The following UNC5D variants were observed in gnomAD, a reference collection of about 807,000 sequenced individuals.
UNC5D encodes unc-5 netrin receptor D, also known as netrin receptor UNC5D.
UNC5D carries 39 observed loss-of-function variants against 105.4 expected under a neutral mutation model. That is an observed-to-expected ratio of 0.37 (90% CI 0.29 to 0.48). UNC5D has a LOEUF of 0.48. UNC5D is among the 20% of genes least tolerant of loss of function. The probability of loss-of-function intolerance (pLI) is 0.98; values close to 1 mark genes in which losing one functional copy is unlikely to be tolerated. For missense variants in UNC5D, 991 were observed against 1,202.4 expected (o/e 0.82, Z 2.60); for synonymous variants, 452 against 450.4 (o/e 1.00, Z -0.04).
intron 3 of UNC5D, among the ~76,000 whole-genome samples, chr8:35,592,955 A>G (rs1015337673): frequency 2.7e-5 from 4 of 148,710 alleles, no homozygotes; most frequent in Non-Finnish European, 4.4e-5. Context: ...CTTCTACCCA[A>G]TCTTGCCTAT....
Position 35,759,500 on chromosome 8 carries a change from G to A in UNC5D, c.2313+31G>A, listed in dbSNP as rs77331714. 5,157 of 1,596,272 alleles carry A rather than the reference G, an allele frequency of 3.2e-3. 223 individuals carry two copies. The East Asian group carries it at 0.088, about 27-fold the overall frequency. ...GGCCAAATGGGTTTCTAACAGAAAC[G>A]GCTTTGCTTTAACCGGCAAGCATGT... On this transcript the variant is annotated intron_variant, in intron 14 of 16. Coordinates refer to ENST00000404895, the MANE Select transcript of UNC5D (RefSeq NM_080872.4).
intron 1 of UNC5D, among the ~76,000 whole-genome samples, chr8:35,304,699 C>A (rs1563296565): frequency 6.6e-6 from 1 of 152,008 alleles, no homozygotes; most frequent in Non-Finnish European, 1.5e-5. Context: ...TTTTCTCTTT[C>A]GTTTTCTATA....
At chr8:35,504,051 G>A (rs1812149453) in intron 1 of UNC5D, among the ~76,000 whole-genome samples, 1 of 152,134 alleles carries the variant, frequency 6.6e-6, no homozygotes, top group Non-Finnish European at 1.5e-5. Flanking sequence ...TGGAAGGGTG[G>A]GTGAGAGGTA....
At chr8:35,771,305 G>A (rs1178265014) in intron 15 of UNC5D, among the ~76,000 whole-genome samples, 1 of 152,134 alleles carries the variant, frequency 6.6e-6, no homozygotes, top group Non-Finnish European at 1.5e-5. Flanking sequence ...GCTTTCAGAG[G>A]CCAATTCTTT....
At chr8:35,356,577 A>C (rs1234660988) in intron 1 of UNC5D, among the ~76,000 whole-genome samples, 2 of 152,004 alleles carry the variant, frequency 1.3e-5, no homozygotes, top group Non-Finnish European at 2.9e-5. Flanking sequence ...AATTTCATGG[A>C]TGGAAGATGT....
intron 1 of UNC5D, among the ~76,000 whole-genome samples, chr8:35,241,636 C>CT (rs557295722): frequency 2.5e-3 from 367 of 145,446 alleles, no homozygotes; most frequent in African/African-American, 8.1e-3. Context: ...ACCAGTCTCA[C>CT]TTTTTTTTTT....
chr8:35,595,645 C>T lies in UNC5D; in HGVS notation c.558C>T (p.Val186=). 2 of 1,613,946 alleles carry T rather than the reference C, an allele frequency of 1.2e-6. No homozygotes were observed. Among genetic ancestry groups the T allele is most frequent in the South Asian group, 2.2e-5 (2 of 91,052 alleles). The part of the protein sequence containing the change: ...IVLHCRPPEG[V]PAAEVEWLKN... Reference sequence around the variant, plus strand: ...TGCACTGCCGCCCACCAGAGGGAGTCCCTGCTGCCGAGGTAAGACAGGATC... The same window carrying T: ...TGCACTGCCGCCCACCAGAGGGAGTTCCTGCTGCCGAGGTAAGACAGGATC... The change falls in exon 4 of 17, where the codon GTC becomes GTT. Residue 186 remains valine, a synonymous_variant. Transcript: ENST00000404895.
At chr8:35,495,015 G>A (rs1384005036) in intron 1 of UNC5D, among the ~76,000 whole-genome samples, 3 of 152,056 alleles carry the variant, frequency 2.0e-5, no homozygotes, top group Non-Finnish European at 4.4e-5. Context: ...GTACTCAGGG[G>A]ATAGAAAAAT....
chr8:35,271,788 C>A (rs1805422611), intron 1 of UNC5D, among the ~76,000 whole-genome samples: 1 of 144,316 alleles, frequency 6.9e-6, no homozygotes, highest in African/African-American at 2.5e-5. Flanking sequence ...GGCACTCTAT[C>A]TGTATAAGTG....
At chr8:35,323,982 C>T (rs565379076) in intron 1 of UNC5D, among the ~76,000 whole-genome samples, 1 of 152,124 alleles carries the variant, frequency 6.6e-6, no homozygotes, top group South Asian at 2.1e-4. Flanking sequence ...GTAATCCCAG[C>T]ACTTTGGGAA....
chr8:35,759,334 T>C lies in UNC5D; in HGVS notation c.2178T>C (p.Asp726=), dbSNP rs1801416331. The C allele has an allele frequency of 6.2e-7, 1 of 1,613,160 alleles. No homozygotes were observed. Among genetic ancestry groups the C allele is most frequent in the African/African-American group, 1.3e-5 (1 of 74,896 alleles). ...TTCTCCTATAGGAAGTGGTTTCAGA[T>C]GAAAGGCATCAAGGTGGACAGCTCC... ...TPCAFQEVVS[D]ERHQGGQLLE... Residue 726 remains aspartate, a synonymous_variant, in exon 14 of 17, where the codon GAT becomes GAC. Coordinates refer to ENST00000404895, the MANE Select transcript of UNC5D (RefSeq NM_080872.4).
At chr8:35,397,489 T>G (rs1804181635) in intron 1 of UNC5D, among the ~76,000 whole-genome samples, 1 of 152,182 alleles carries the variant, frequency 6.6e-6, no homozygotes, top group Admixed American at 6.5e-5. Flanking sequence ...GTGTACCAAT[T>G]TACAACCTTC....
At chr8:35,517,447 G>A (rs906624268) in intron 1 of UNC5D, among the ~76,000 whole-genome samples, 3 of 152,168 alleles carry the variant, frequency 2.0e-5, no homozygotes, top group Non-Finnish European at 4.4e-5. Flanking sequence ...AAGTGAGACT[G>A]GGGATGGACC....
intron 13 of UNC5D, among the ~76,000 whole-genome samples, chr8:35,753,321 T>C (rs184764688): frequency 5.1e-4 from 78 of 152,232 alleles, no homozygotes; most frequent in Non-Finnish European, 9.9e-4. Flanking sequence ...CAGGCTGGAG[T>C]GCAGTGGCGT....
chr8:35,543,876 A>G (rs1286738618), intron 1 of UNC5D, among the ~76,000 whole-genome samples: 1 of 152,212 alleles, frequency 6.6e-6, no homozygotes, highest in African/African-American at 2.4e-5. Context: ...ACTCACAGAT[A>G]ATGTGTGTTT....
At chr8:35,464,684 C>A (rs747947169) in intron 1 of UNC5D, among the ~76,000 whole-genome samples, 1 of 152,046 alleles carries the variant, frequency 6.6e-6, no homozygotes, top group Non-Finnish European at 1.5e-5. Flanking sequence ...TCAATTCTAA[C>A]CTGCTTATTT....
intron 4 of UNC5D, among the ~76,000 whole-genome samples, chr8:35,645,041 T>G (rs1449470451): frequency 6.6e-6 from 1 of 152,170 alleles, no homozygotes. Context: ...ATAGCGACTT[T>G]TGGGCAGGGC....
intron 1 of UNC5D, among the ~76,000 whole-genome samples, chr8:35,402,801 G>A (rs561695022): frequency 6.6e-6 from 1 of 152,050 alleles, no homozygotes; most frequent in South Asian, 2.1e-4. Context: ...AAAGAATAGT[G>A]AGAGGTTGAG....
At chr8:35,489,942 C>A (rs1031947633) in intron 1 of UNC5D, among the ~76,000 whole-genome samples, 1 of 151,908 alleles carries the variant, frequency 6.6e-6, no homozygotes, top group Non-Finnish European at 1.5e-5. Flanking sequence ...ATTTTTTGGT[C>A]GAAGATGATT....
Sources: allele counts gnomAD v4.1 joint callset (sites outside exome capture counted in the v4.1 genomes callset), GRCh38; gene constraint gnomAD v4.1.1; transcripts MANE v1.5; gene names NCBI Gene and HGNC (gene_info 2026-07-23, HGNC 2026-07-21).